DNAH11: variants seen among roughly 807,000 people sequenced by gnomAD.
DNAH11 encodes axonemal beta dynein heavy chain 11.
A neutral mutation model predicts 526.0 loss-of-function variants in DNAH11; 442 were observed. The ratio of observed to expected loss-of-function variants is 0.84; its 90% CI spans 0.78 to 0.91. The LOEUF is 0.91. DNAH11 is among the 40% of genes least tolerant of loss of function. The probability of loss-of-function intolerance (pLI) is 0.00; values close to 1 mark genes in which losing one functional copy is unlikely to be tolerated. For synonymous variants in DNAH11, 2,461 were observed against 1,935.9 expected (o/e 1.27, Z -7.12); for missense variants, 6,989 against 5,448.7 (o/e 1.28, Z -8.90).
intron 32 of DNAH11, among the ~76,000 whole-genome samples, chr7:21,684,376 A>T (rs941030599): frequency 1.3e-5 from 2 of 152,226 alleles, no homozygotes; most frequent in East Asian, 3.8e-4. Context: ...TACTCTGCTA[A>T]GTACTATTCC....
At chr7:21,715,239 TAATA>T (rs1458422100) in intron 42 of DNAH11, among the ~76,000 whole-genome samples, 4 of 152,182 alleles carry the variant, frequency 2.6e-5, no homozygotes, top group African/African-American at 9.6e-5. Flanking sequence ...GAGGCCTGAG[TAATA>T]AATAAAAAGT....
chr7:21,640,195 A>T (rs1787058199), intron 28 of DNAH11, among the ~76,000 whole-genome samples: 1 of 152,212 alleles, frequency 6.6e-6, no homozygotes. Context: ...AAAATCTGTG[A>T]TTAAATTGAC....
intron 81 of DNAH11, 99 bp from the exon 82 acceptor site, chr7:21,900,908 A>G: frequency 4.7e-6 from 7 of 1,477,786 alleles, no homozygotes; most frequent in Non-Finnish European, 6.3e-6. Context: ...ATATGACAAA[A>G]CCAGAATGTT....
At chr7:21,808,613 C>G (rs181354460) in intron 63 of DNAH11, among the ~76,000 whole-genome samples, 1 of 152,288 alleles carries the variant, frequency 6.6e-6, no homozygotes, top group East Asian at 1.9e-4. Context: ...CTTTTTAGCT[C>G]CCACATGTAA....
intron 76 of DNAH11, 64 bp from the exon 77 acceptor site, chr7:21,892,361 T>G: frequency 6.4e-7 from 1 of 1,557,082 alleles, no homozygotes; most frequent in South Asian, 1.2e-5. Context: ...CTCGAAGTGT[T>G]GAGGAAGTGA....
chr7:21,623,617 A>G (rs1057098453), intron 25 of DNAH11, among the ~76,000 whole-genome samples: 1 of 152,002 alleles, frequency 6.6e-6, no homozygotes, highest in Non-Finnish European at 1.5e-5. Context: ...CATATACACC[A>G]TGGAATACTA....
At chr7:21,747,949 T>C (rs1003291863) in intron 51 of DNAH11, among the ~76,000 whole-genome samples, 1 of 152,256 alleles carries the variant, frequency 6.6e-6, no homozygotes, top group Non-Finnish European at 1.5e-5. Context: ...TCAAAATATT[T>C]TGAAGCCCTT....
intron 44 of DNAH11, among the ~76,000 whole-genome samples, chr7:21,724,002 C>G (rs1033753007): frequency 5.3e-5 from 8 of 152,178 alleles, no homozygotes; most frequent in African/African-American, 1.9e-4. Context: ...TCTATGTTCC[C>G]CATAAACTCT....
Position 21,901,821 on chromosome 7 carries a change from A to AATG in DNAH11, c.*568_*569insTGA, listed in dbSNP as rs1784884100. On this transcript the variant is annotated 3_prime_UTR_variant, in exon 82 of 82. Coordinates refer to ENST00000409508, the MANE Select transcript of DNAH11 (RefSeq NM_001277115.2). The stretch of plus-strand genomic sequence containing the variant: ...TGTTCAGTCAAGTTTTAATAAAAAT[A>AATG]AAACTGTTCTACAGTTAATTGCACT... 2 of 165,734 alleles carry AATG rather than the reference A, an allele frequency of 1.2e-5. No homozygotes were observed. Among genetic ancestry groups the AATG allele is most frequent in the Admixed American group, 1.1e-4 (2 of 17,550 alleles). 10.3% of individuals were successfully genotyped at this position (165,734 alleles called of 1,614,324 possible). A position where few individuals can be genotyped will look rare whatever the true frequency, so the allele number is the denominator to read the frequency against.
At chr7:21,623,724 C>G (rs997933802) in intron 25 of DNAH11, among the ~76,000 whole-genome samples, 7 of 150,710 alleles carry the variant, frequency 4.6e-5, no homozygotes, top group Non-Finnish European at 8.8e-5. Flanking sequence ...AAGAAAAAAC[C>G]AAGCACTGCA....
intron 64 of DNAH11, 146 bp from the exon 65 acceptor site, chr7:21,818,071 A>G: frequency 1.5e-6 from 1 of 678,936 alleles, no homozygotes. Flanking sequence ...AATCTAGTGG[A>G]AGGGAACTAC....
rs191278967 is a variant in DNAH11, at chr7:21,721,831, C to T, written c.7266+975C>T. 2.6e-5 allele frequency among the ~76,000 whole-genome samples: 4 copies of T among 152,328 alleles called. No homozygotes were observed. In the East Asian group the frequency reaches 7.7e-4, roughly 29 times the overall value. The stretch of plus-strand genomic sequence containing the variant: ...TGATAATCTTCAAATTGGTCTCCCT[C>T]TCTCCAGTCCCTCTTACTTCTAACC... On this transcript the variant is annotated intron_variant, in intron 44 of 81. Transcript: ENST00000409508.
intron 25 of DNAH11, among the ~76,000 whole-genome samples, chr7:21,634,338 G>A (rs1037050035): frequency 6.6e-6 from 1 of 152,196 alleles, no homozygotes; most frequent in Admixed American, 6.5e-5. Flanking sequence ...GGAAAAGACT[G>A]AATTCGGTGA....
chr7:21,691,508 C>G (rs544926590), intron 35 of DNAH11, among the ~76,000 whole-genome samples: 3 of 152,168 alleles, frequency 2.0e-5, no homozygotes, highest in African/African-American at 7.2e-5. Context: ...AGGGTCCCCT[C>G]CCTGAGGGCC....
intron 55 of DNAH11, among the ~76,000 whole-genome samples, chr7:21,766,807 T>G (rs1333734491): frequency 1.3e-5 from 2 of 152,096 alleles, no homozygotes; most frequent in East Asian, 1.9e-4. Flanking sequence ...TCCTTTAGTC[T>G]TTTCCTGAAA....
rs146058515 is a variant in DNAH11 at position 21,639,099 on chromosome 7, G to T, written c.4944+34G>T. Reference sequence around the variant, plus strand: ...TTTTTTGAAAGTCTCGTATTATACTGTGTTAGCTGAGGAATGTCATAGCGT... The same window carrying T: ...TTTTTTGAAAGTCTCGTATTATACTTTGTTAGCTGAGGAATGTCATAGCGT... On this transcript the variant is annotated intron_variant, in intron 28 of 81. Coordinates refer to ENST00000409508, the MANE Select transcript of DNAH11 (RefSeq NM_001277115.2). 1.8e-4 allele frequency: 280 copies of T among 1,574,462 alleles called. 3 individuals carry two copies. The East Asian group carries it at 6.3e-3, about 35-fold the overall frequency.
At chr7:21,873,964 T>C (rs1783601249) in intron 74 of DNAH11, among the ~76,000 whole-genome samples, 1 of 151,892 alleles carries the variant, frequency 6.6e-6, no homozygotes, top group African/African-American at 2.4e-5. Flanking sequence ...CTAATTTTTG[T>C]ATTTTTAGTA....
intron 35 of DNAH11, among the ~76,000 whole-genome samples, chr7:21,696,074 A>G (rs1326897942): frequency 1.3e-5 from 2 of 152,156 alleles, no homozygotes; most frequent in Non-Finnish European, 2.9e-5. Context: ...GAGGATTATC[A>G]GTTTTATTTT....
At chr7:21,763,868 C>G (rs139906030) in intron 54 of DNAH11, among the ~76,000 whole-genome samples, 18 of 150,022 alleles carry the variant, frequency 1.2e-4, no homozygotes, top group African/African-American at 4.2e-4. Context: ...ATCTATAAAA[C>G]AAAATCCTGT....
Sources: gnomAD v4.1 joint callset for allele counts (sites outside exome capture counted in the v4.1 genomes callset) on GRCh38, gnomAD v4.1.1 for gene constraint, MANE v1.5 for transcripts, NCBI Gene and HGNC (gene_info 2026-07-23, HGNC 2026-07-21) for gene names.